SPPL3: variants seen among roughly 807,000 people sequenced by gnomAD.
The protein encoded by SPPL3 is signal peptide peptidase like 3.
In SPPL3, 5 loss-of-function variants were observed where a neutral mutation model predicts 42.4. The observed-to-expected ratio is 0.12, with a 90% confidence interval of 0.06 to 0.25. The LOEUF is 0.25. Among genes scored for constraint, SPPL3 ranks in the 10% least tolerant of loss-of-function variants. The pLI is 1.00. For missense variants in SPPL3, 235 were observed against 489.0 expected (o/e 0.48, Z 4.90); for synonymous variants, 195 against 181.8 (o/e 1.07, Z -0.58).
chr12:120,800,301 G>C (rs1194241582), intron 2 of SPPL3, among the ~76,000 whole-genome samples: 1 of 152,056 alleles, frequency 6.6e-6, no homozygotes, highest in East Asian at 1.9e-4. Context: ...TTAGAAGTTC[G>C]AGACCAGCCT....
chr12:120,867,270 C>A (rs1460775779), intron 1 of SPPL3, among the ~76,000 whole-genome samples: 1 of 152,192 alleles, frequency 6.6e-6, no homozygotes, highest in African/African-American at 2.4e-5. Flanking sequence ...TGAAAAGACA[C>A]CTCCATGCAT....
Position 120,782,710 on chromosome 12 carries a change from C to T in SPPL3, c.447G>A (p.Leu149=). ...CCCAGATGAGGACGAGCATGACAGA[C>T]AGAGAGAATGACAGCAACTCAGCAG... ...FTAAELLSFS[L]SVMLVLIWVL... The change falls in exon 6 of 11, where the codon CTG becomes CTA. Residue 149 remains leucine (L), a synonymous_variant. Coordinates refer to ENST00000353487, the MANE Select transcript of SPPL3 (RefSeq NM_139015.5). The T allele has an allele frequency of 1.2e-6, 2 of 1,611,558 alleles. No homozygotes were observed. The highest frequency in any genetic ancestry group is 1.7e-6 in the Non-Finnish European group (2 of 1,178,614).
intron 1 of SPPL3, among the ~76,000 whole-genome samples, chr12:120,842,878 T>C (rs772970885): frequency 2.0e-5 from 3 of 151,954 alleles, no homozygotes; most frequent in Non-Finnish European, 2.9e-5. Context: ...TTAACAAACA[T>C]GCATAGTTAA....
chr12:120,821,018 T>C (rs954159242), intron 1 of SPPL3, among the ~76,000 whole-genome samples: 2 of 152,160 alleles, frequency 1.3e-5, no homozygotes, highest in Non-Finnish European at 2.9e-5. Flanking sequence ...TATTTTATAT[T>C]TTACCAAGAC....
chr12:120,881,965 T>C (rs999272900), intron 1 of SPPL3, among the ~76,000 whole-genome samples: 2 of 152,028 alleles, frequency 1.3e-5, no homozygotes, highest in African/African-American at 4.8e-5. Context: ...ATTAAACTTA[T>C]CTATGGTTTC....
At chr12:120,853,983 TACACAC>T (rs58246859) in intron 1 of SPPL3, among the ~76,000 whole-genome samples, 8,732 of 130,138 alleles carry the variant, frequency 0.067, 303 homozygotes, top group African/African-American at 0.09. Context: ...CACGCACACA[TACACAC>T]ACACACACAC....
intron 1 of SPPL3, among the ~76,000 whole-genome samples, chr12:120,823,791 A>G (rs1367801828): frequency 6.6e-6 from 1 of 152,220 alleles, no homozygotes; most frequent in Non-Finnish European, 1.5e-5. Context: ...TACAGATGAA[A>G]AAACAGAAAC....
intron 1 of SPPL3, among the ~76,000 whole-genome samples, chr12:120,886,263 T>C (rs1002937277): frequency 1.3e-5 from 2 of 152,292 alleles, no homozygotes; most frequent in African/African-American, 4.8e-5. Flanking sequence ...TTGTCTTAAT[T>C]ACATCTGCTG....
chr12:120,867,535 C>T (rs866695571), intron 1 of SPPL3, among the ~76,000 whole-genome samples: 1 of 151,774 alleles, frequency 6.6e-6, no homozygotes, highest in African/African-American at 2.4e-5. Flanking sequence ...TGTGATGGTA[C>T]GTGCCTGTAG....
At chr12:120,902,209 A>C (rs761970075) in intron 1 of SPPL3, among the ~76,000 whole-genome samples, 1 of 152,208 alleles carries the variant, frequency 6.6e-6, no homozygotes, top group African/African-American at 2.4e-5. Flanking sequence ...CCAAGATTTT[A>C]ATTCTTCCTT....
At chr12:120,814,638 T>C (rs188017976) in intron 1 of SPPL3, among the ~76,000 whole-genome samples, 1 of 151,910 alleles carries the variant, frequency 6.6e-6, no homozygotes, top group East Asian at 2.0e-4. Flanking sequence ...CATACAAAAA[T>C]CAAAAGTATA....
chr12:120,893,886 A>C (rs1873719064), intron 1 of SPPL3, among the ~76,000 whole-genome samples: 1 of 152,108 alleles, frequency 6.6e-6, no homozygotes, highest in South Asian at 2.1e-4. Context: ...TCTTACCTCA[A>C]ATCTTCAACT....
chr12:120,853,983 T>TACACATACACAC, intron 1 of SPPL3, among the ~76,000 whole-genome samples: 1 of 130,216 alleles, frequency 7.7e-6, no homozygotes, highest in Non-Finnish European at 1.6e-5. Flanking sequence ...CACGCACACA[T>TACACATACACAC]ACACACACAC....
intron 6 of SPPL3, among the ~76,000 whole-genome samples, chr12:120,780,457 C>CAA (rs995461173): frequency 1.5e-4 from 23 of 150,232 alleles, no homozygotes; most frequent in African/African-American, 5.1e-4. Flanking sequence ...CCAAACAAAA[C>CAA]AAAAAAAGCT....
intron 2 of SPPL3, among the ~76,000 whole-genome samples, chr12:120,802,776 C>T (rs948061944): frequency 6.6e-6 from 1 of 152,014 alleles, no homozygotes; most frequent in Non-Finnish European, 1.5e-5. Context: ...CAAGAATAAC[C>T]AGTTTAAGAA....
intron 8 of SPPL3, among the ~76,000 whole-genome samples, chr12:120,767,973 GATTAT>G (rs1395147166): frequency 6.6e-6 from 1 of 152,206 alleles, no homozygotes; most frequent in African/African-American, 2.4e-5. Context: ...ATTCTGCCAA[GATTAT>G]ATTACCAGGA....
In SPPL3 at chr12:120,798,682, C is replaced by T. The variant is rs1870190270; in HGVS notation, c.102-7125G>A. ...TAATTTAAATTGAGTTTTTCAAATT[C>T]ACTTATGAATGGAATAACAATAACT... On this transcript the variant is annotated intron_variant, in intron 2 of 10. Transcript: ENST00000353487. 2.0e-5 allele frequency among the ~76,000 whole-genome samples: 3 copies of T among 152,168 alleles called. No homozygotes were observed. In the South Asian group the frequency reaches 6.2e-4, roughly 31 times the overall value.
At chr12:120,779,874 T>C (rs1869464508) in intron 6 of SPPL3, among the ~76,000 whole-genome samples, 1 of 144,078 alleles carries the variant, frequency 6.9e-6, no homozygotes, top group Non-Finnish European at 1.5e-5. Context: ...GGTGGGCACC[T>C]GTAATCCCAG....
At chr12:120,793,388 C>T (rs540664411) in intron 2 of SPPL3, among the ~76,000 whole-genome samples, 5 of 152,274 alleles carry the variant, frequency 3.3e-5, no homozygotes, top group East Asian at 1.9e-4. Flanking sequence ...TTCAGCTACT[C>T]GCCAGGCTGA....
Sources: gnomAD v4.1 joint callset for allele counts (sites outside exome capture counted in the v4.1 genomes callset) on GRCh38, gnomAD v4.1.1 for gene constraint, MANE v1.5 for transcripts, NCBI Gene and HGNC (gene_info 2026-07-23, HGNC 2026-07-21) for gene names.